Variants in ADAM18 observed in about 807,000 individuals in gnomAD.
ADAM18 encodes disintegrin and metalloproteinase domain-containing protein 18.
Under a neutral mutation model 94.4 loss-of-function variants are expected in ADAM18, and 117 were observed. That is an observed-to-expected ratio of 1.24 (90% CI 1.07 to 1.45). The LOEUF is 1.45. Ranked by LOEUF, ADAM18 falls within the 40% of genes most tolerant of loss-of-function variation. The pLI, the probability that ADAM18 is intolerant of heterozygous loss-of-function variation, is 0.00. For missense variants in ADAM18, 936 were observed against 880.0 expected (o/e 1.06, Z -0.81); for synonymous variants, 327 against 291.6 (o/e 1.12, Z -1.24).
intron 17 of ADAM18, 81 bp downstream of exon 17, chr8:39,692,761 T>C (rs1821818009): frequency 8.9e-7 from 1 of 1,119,926 alleles, no homozygotes; most frequent in Non-Finnish European, 1.3e-6. Flanking sequence ...ATTGAGAGTC[T>C]AGGTTGACTT....
chr8:39,661,372 C>A (rs902909827), intron 12 of ADAM18, among the ~76,000 whole-genome samples: 1 of 126,802 alleles, frequency 7.9e-6, no homozygotes, highest in African/African-American at 3.3e-5. Context: ...GTTGGGGTTT[C>A]ACCGTGTTAG....
chr8:39,660,301 A>G (rs1307924842), intron 12 of ADAM18, among the ~76,000 whole-genome samples: 1 of 152,196 alleles, frequency 6.6e-6, no homozygotes, highest in African/African-American at 2.4e-5. Flanking sequence ...CAGAAGACAC[A>G]GAGTGGCTGA....
chr8:39,718,348 G>A (rs1822638882), intron 18 of ADAM18, among the ~76,000 whole-genome samples: 1 of 151,486 alleles, frequency 6.6e-6, no homozygotes, highest in South Asian at 2.1e-4. Flanking sequence ...AGGAAGTGTG[G>A]CATATACATG....
chr8:39,670,696 T>C (rs1387744841), intron 14 of ADAM18, among the ~76,000 whole-genome samples: 1 of 152,172 alleles, frequency 6.6e-6, no homozygotes, highest in African/African-American at 2.4e-5. Flanking sequence ...ATAAAACCTA[T>C]AGCTGTGTTC....
At chr8:39,616,286 T>A (rs6474160) in intron 6 of ADAM18, among the ~76,000 whole-genome samples, 1 of 151,768 alleles carries the variant, frequency 6.6e-6, no homozygotes. Flanking sequence ...TGTATTCCCA[T>A]GTATTCCCAG....
chr8:39,612,286 C>T (rs1248328285), intron 6 of ADAM18, among the ~76,000 whole-genome samples: 1 of 152,106 alleles, frequency 6.6e-6, no homozygotes, highest in Non-Finnish European at 1.5e-5. Context: ...AGGATGTAGA[C>T]CCTGTGCTGA....
intron 12 of ADAM18, among the ~76,000 whole-genome samples, 197 bp from the exon 13 acceptor site, chr8:39,663,598 C>CAAAAAAAA (rs10597769): frequency 6.6e-4 from 13 of 19,586 alleles, no homozygotes; most frequent in East Asian, 2.1e-3. Context: ...AATCCTGTCT[C>CAAAAAAAA]AAAAAAAAAA....
At chr8:39,605,394 T>C (rs1819044535) in intron 2 of ADAM18, among the ~76,000 whole-genome samples, 2 of 152,206 alleles carry the variant, frequency 1.3e-5, no homozygotes. Flanking sequence ...ATAACTCTTG[T>C]CCCTGGAGGT....
At chr8:39,602,979 G>T (rs916465097) in intron 2 of ADAM18, among the ~76,000 whole-genome samples, 2 of 152,116 alleles carry the variant, frequency 1.3e-5, no homozygotes, top group Non-Finnish European at 2.9e-5. Flanking sequence ...CTTGTGCAAG[G>T]TGTGATGTCT....
chr8:39,706,991 G>T (rs751800761), intron 18 of ADAM18, 87 bp downstream of exon 18: 17 of 731,474 alleles, frequency 2.3e-5, no homozygotes, highest in Non-Finnish European at 3.7e-5. Flanking sequence ...TTGAATGGTA[G>T]CTTCATCTAC....
chr8:39,659,864 A>G (rs1343518994), intron 12 of ADAM18, among the ~76,000 whole-genome samples: 1 of 152,130 alleles, frequency 6.6e-6, no homozygotes, highest in Non-Finnish European at 1.5e-5. Context: ...CTGAAAATAA[A>G]CGTGTATTCC....
rs1352551109 is a variant in ADAM18, at chr8:39,711,686, GA to G, written c.2017+4784del. On this transcript the variant is annotated intron_variant, in intron 18 of 19. Transcript: ENST00000265707. Reference sequence around the variant, plus strand: ...AAAAGAAGCAGTAAACTTGTAGGCAGAACAATTGAAATGGTTGAATCTGAGG... The same window carrying G: ...AAAAGAAGCAGTAAACTTGTAGGCAGACAATTGAAATGGTTGAATCTGAGG... 2.6e-5 allele frequency among the ~76,000 whole-genome samples: 4 copies of G among 152,118 alleles called. No individual in the cohort carries two copies. In the East Asian group the frequency reaches 7.7e-4, roughly 29 times the overall value.
rs141577285 is a variant in ADAM18 at position 39,650,703 on chromosome 8, A to G, written c.1230+2176A>G. Among the ~76,000 whole-genome samples, 32 of 152,358 alleles carry G rather than the reference A, an allele frequency of 2.1e-4. 1 individual carries two copies. In the East Asian group the frequency reaches 5.8e-3, roughly 28 times the overall value. On this transcript the variant is annotated intron_variant, in intron 12 of 19. Transcript: ENST00000265707. ...AAAAGTTAATATTGTTAAAATATCT[A>G]TAGTGGCTAAAGTGATCTACATGTT...
intron 18 of ADAM18, among the ~76,000 whole-genome samples, chr8:39,717,306 T>C (rs972070152): frequency 1.5e-5 from 2 of 132,048 alleles, no homozygotes; most frequent in African/African-American, 5.6e-5. Flanking sequence ...ATTTTTATAG[T>C]TATTTTTAAT....
intron 13 of ADAM18, 150 bp from the exon 14 acceptor site, chr8:39,667,848 T>G: frequency 2.8e-6 from 2 of 710,648 alleles, no homozygotes; most frequent in South Asian, 3.8e-5. Context: ...ATACTGTATT[T>G]GATTTTTTTT....
intron 11 of ADAM18, 33 bp downstream of exon 11, chr8:39,645,507 T>G: frequency 6.4e-7 from 1 of 1,570,680 alleles, no homozygotes; most frequent in East Asian, 2.3e-5. Context: ...TTCATTTATA[T>G]TTTTATAAGG....
chr8:39,659,851 A>C (rs1820787226), intron 12 of ADAM18, among the ~76,000 whole-genome samples: 2 of 152,076 alleles, frequency 1.3e-5, no homozygotes, highest in South Asian at 4.1e-4. Flanking sequence ...GATACCAAAA[A>C]ATCTGAAAAT....
intron 19 of ADAM18, among the ~76,000 whole-genome samples, chr8:39,728,149 A>G (rs1822973421): frequency 6.6e-6 from 1 of 152,102 alleles, no homozygotes; most frequent in South Asian, 2.1e-4. Context: ...GACAGCACCA[A>G]ACCATGGGAG....
chr8:39,720,700 T>C (rs1293236121), intron 18 of ADAM18, among the ~76,000 whole-genome samples: 1 of 151,354 alleles, frequency 6.6e-6, no homozygotes, highest in Admixed American at 6.6e-5. Flanking sequence ...TTGCATTTCA[T>C]TTTATATGAG....
Sources: allele counts gnomAD v4.1 joint callset (sites outside exome capture counted in the v4.1 genomes callset), GRCh38; gene constraint gnomAD v4.1.1; transcripts MANE v1.5; gene names NCBI Gene and HGNC (gene_info 2026-07-23, HGNC 2026-07-21).